Variants in NID1 observed in about 807,000 individuals in gnomAD.
NID1 encodes nidogen-1.
A neutral mutation model predicts 130.6 loss-of-function variants in NID1; 76 were observed. The ratio of observed to expected loss-of-function variants is 0.58; its 90% CI spans 0.48 to 0.70. The LOEUF is 0.70. Among genes scored for constraint, NID1 ranks in the 30% least tolerant of loss-of-function variants. NID1 has a pLI of 0.00. For synonymous variants in NID1, 665 were observed against 675.1 expected (o/e 0.98, Z 0.23); for missense variants, 1,517 against 1,664.8 (o/e 0.91, Z 1.54).
chr1:236,044,968 G>A (rs1439749087), intron 3 of NID1, among the ~76,000 whole-genome samples: 1 of 152,146 alleles, frequency 6.6e-6, no homozygotes, highest in Non-Finnish European at 1.5e-5. Flanking sequence ...GGAGGCTGAG[G>A]TGGGCAGATC....
chr1:235,993,637 C>T lies in NID1; in HGVS notation c.2755+8G>A, dbSNP rs766498626. 3.3e-6 allele frequency: 5 copies of T among 1,530,342 alleles called. No homozygotes were observed. The highest frequency in any genetic ancestry group is 4.4e-6 in the Non-Finnish European group (5 of 1,131,062). The allele number at this position is 1,530,342 out of a possible 1,614,324, so 94.8% of individuals were successfully genotyped here. A position where few individuals can be genotyped will look rare whatever the true frequency, so the allele number is the denominator to read the frequency against. ...GCACACGCCCAAGCACGGCCTGCAC[C>T]CACTTACACGGGGGCGTCATCCCGG... is the stretch of plus-strand genomic sequence containing the variant. On this transcript the variant is annotated splice_region_variant and intron_variant, in intron 13 of 19. Coordinates refer to ENST00000264187, the MANE Select transcript of NID1 (RefSeq NM_002508.3).
intron 11 of NID1, among the ~76,000 whole-genome samples, chr1:236,012,510 A>G (rs1238762318): frequency 7.0e-6 from 1 of 143,090 alleles, no homozygotes; most frequent in Admixed American, 7.6e-5. Context: ...GTGAGCCAAG[A>G]TCGTGCCATT....
chr1:236,026,490 A>G (rs1658934553), intron 7 of NID1, among the ~76,000 whole-genome samples: 1 of 152,152 alleles, frequency 6.6e-6, no homozygotes, highest in African/African-American at 2.4e-5. Context: ...CTGAATTCAC[A>G]CTCAGTACCA....
intron 1 of NID1, among the ~76,000 whole-genome samples, chr1:236,061,371 G>T (rs1359776411): frequency 6.6e-6 from 1 of 152,156 alleles, no homozygotes; most frequent in African/African-American, 2.4e-5. Context: ...ATTAATCTTA[G>T]CGTGGCAAGC....
At chr1:236,062,971 T>C (rs1660083081) in intron 1 of NID1, among the ~76,000 whole-genome samples, 4 of 150,064 alleles carry the variant, frequency 2.7e-5, no homozygotes. Flanking sequence ...CTGGTCAACA[T>C]GGTGAAATCC....
At chr1:236,018,984 T>A (rs1658678984) in intron 9 of NID1, among the ~76,000 whole-genome samples, 1 of 152,230 alleles carries the variant, frequency 6.6e-6, no homozygotes, top group African/African-American at 2.4e-5. Context: ...GCATTCTTGA[T>A]CACATCAGCC....
rs149156719 is a variant in NID1, at chr1:236,029,638, C to G, written c.1650G>C (p.Thr550=). The change falls in exon 7 of 20, where the codon ACG becomes ACC. Residue 550 remains threonine, a synonymous_variant. Coordinates refer to ENST00000264187, the MANE Select transcript of NID1 (RefSeq NM_002508.3). ...IDEHGHLTID[T]ELEGRVPQIP... ...TCTGCGGCACGCGGCCCTCCAGCTC[C>G]GTGTCGATGGTCAGGTGCCCATGCT... is the stretch of plus-strand genomic sequence containing the variant. 6.2e-7 allele frequency: 1 copy of G among 1,612,384 alleles called. No individual in the cohort carries two copies. The highest frequency in any genetic ancestry group is 1.1e-5 in the South Asian group (1 of 90,694).
chr1:236,019,848 C>T (rs1433414699), intron 9 of NID1, among the ~76,000 whole-genome samples: 1 of 151,944 alleles, frequency 6.6e-6, no homozygotes, highest in Non-Finnish European at 1.5e-5. Context: ...TCGAGACCAG[C>T]CTGACCAACA....
In NID1 at chr1:236,004,276, G is replaced by T. The variant is rs1393549018; in HGVS notation, c.2527+7645C>A. On this transcript the variant is annotated intron_variant, in intron 12 of 19. Transcript: ENST00000264187. ...ATAGCCCATGGGTAGCATTTACAAA[G>T]CAACACGGTGATAAGGAAGGGTGAA... Among the ~76,000 whole-genome samples the T allele has an allele frequency of 2.0e-5, 3 of 152,096 alleles. No individual in the cohort carries two copies. The South Asian group carries it at 6.2e-4, about 32-fold the overall frequency.
At chr1:236,050,932 A>C (rs1659748032) in intron 1 of NID1, among the ~76,000 whole-genome samples, 1 of 152,066 alleles carries the variant, frequency 6.6e-6, no homozygotes, top group Admixed American at 6.6e-5. Context: ...ACAAAAAAAA[A>C]ATTAGCTGGG....
intron 1 of NID1, among the ~76,000 whole-genome samples, chr1:236,058,737 G>T (rs1033670116): frequency 6.6e-6 from 1 of 152,194 alleles, no homozygotes; most frequent in Non-Finnish European, 1.5e-5. Flanking sequence ...GATGAGCCTA[G>T]TAACAGGCTG....
chr1:236,057,599 G>A (rs535311817), intron 1 of NID1, among the ~76,000 whole-genome samples: 1 of 151,788 alleles, frequency 6.6e-6, no homozygotes, highest in East Asian at 2.0e-4. Flanking sequence ...GCGTGGTCAT[G>A]CACACCTGTA....
At position 236,012,019 on chromosome 1, in the gene NID1, C is replaced by T. The variant is rs375233632; in HGVS notation, c.2429G>A (p.Arg810Gln). The change falls in exon 12 of 20, where the codon CGA becomes CAA. Residue 810 changes from arginine (R) to glutamine (Q), a missense_variant. Physicochemically the swap from Arg to Gln is conservative, Grantham distance 43. This residue lies in a region of NID1 where 1,329 missense variants were observed against 1,429.2 expected (regional missense o/e 0.93). Coordinates refer to ENST00000264187, the MANE Select transcript of NID1 (RefSeq NM_002508.3). ...CQDVDECQPS[R>Q]CHPDAFCYNT... ...GTAGCAGAAGGCGTCAGGGTGACAT[C>T]GGCTTGGCTGGCATTCATCTACATC... 1.6e-5 allele frequency: 26 copies of T among 1,613,872 alleles called. No homozygotes were observed. The highest frequency in any genetic ancestry group is 1.6e-4 in the African/African-American group (12 of 74,938).
At chr1:236,056,622 T>C (rs896652699) in intron 1 of NID1, among the ~76,000 whole-genome samples, 1 of 152,186 alleles carries the variant, frequency 6.6e-6, no homozygotes, top group Non-Finnish European at 1.5e-5. Context: ...TTAACCAACC[T>C]CTTTTCGTCC....
In NID1 at chr1:235,990,942, G is replaced by T. The variant is rs775238214; in HGVS notation, c.2872C>A (p.Pro958Thr). Residue 958 changes from proline to threonine, a missense_variant, in exon 14 of 20, where the codon CCC becomes ACC. Physicochemically the swap from Pro to Thr is conservative, Grantham distance 38 (BLOSUM62 -1). This residue lies in a region of NID1 where 1,329 missense variants were observed against 1,429.2 expected (regional missense o/e 0.93). Coordinates refer to ENST00000264187, the MANE Select transcript of NID1 (RefSeq NM_002508.3). ...FAQTGKIERL[P>T]LEGNTMRKTE... ...TTCCTCATGGTATTTCCCTCCAGGG[G>T]CAGGCGCTCAATCTTCCCAGTCTGG... 6 of 1,614,030 alleles carry T rather than the reference G, an allele frequency of 3.7e-6. No homozygotes were observed. Among genetic ancestry groups the T allele is most frequent in the African/African-American group, 1.3e-5 (1 of 74,906 alleles).
rs1657409149 is a variant in NID1, at chr1:235,980,591, C to A, written c.3290G>T (p.Gly1097Val). The A allele has an allele frequency of 6.2e-7, 1 of 1,614,078 alleles. No homozygotes were observed. Among genetic ancestry groups the A allele is most frequent in the Non-Finnish European group, 8.5e-7 (1 of 1,180,036 alleles). The change falls in exon 17 of 20, where the codon GGC (glycine) becomes GTC (valine). Residue 1097 changes from glycine (G) to valine (V), a missense_variant. Coordinates refer to ENST00000264187, the MANE Select transcript of NID1 (RefSeq NM_002508.3). ...CTGCACAAGGATCCTCCGGTTCGTGCCGTCCATGTAGGAAGTTTCAATCTT... is the reference window on the plus strand; with the variant it reads ...CTGCACAAGGATCCTCCGGTTCGTGACGTCCATGTAGGAAGTTTCAATCTT... ...NPKIETSYMD[G>V]TNRRILVQDD...
At chr1:236,018,339 C>T (rs988922988) in intron 9 of NID1, among the ~76,000 whole-genome samples, 3 of 152,166 alleles carry the variant, frequency 2.0e-5, no homozygotes, top group African/African-American at 4.8e-5. Flanking sequence ...CTGCAGATTA[C>T]GGAAAATGGA....
intron 2 of NID1, among the ~76,000 whole-genome samples, chr1:236,046,656 T>C (rs536838822): frequency 3.8e-4 from 58 of 151,562 alleles, no homozygotes; most frequent in African/African-American, 1.3e-3. Flanking sequence ...TAATTTGGTA[T>C]AGCGGCTGCA....
chr1:235,989,545 C>T (rs1294491325), intron 14 of NID1, among the ~76,000 whole-genome samples: 1 of 152,176 alleles, frequency 6.6e-6, no homozygotes, highest in Non-Finnish European at 1.5e-5. Context: ...GAAACCAATA[C>T]CTCCATGAAA....
Sources: allele counts gnomAD v4.1 joint callset (sites outside exome capture counted in the v4.1 genomes callset), GRCh38; gene constraint gnomAD v4.1.1; regional missense constraint gnomAD v4.1.1; transcripts MANE v1.5; gene names NCBI Gene and HGNC (gene_info 2026-07-23, HGNC 2026-07-21).